Variants in PDE6H observed in about 807,000 individuals in gnomAD.
PDE6H encodes retinal cone rhodopsin-sensitive cGMP 3',5'-cyclic phosphodiesterase subunit gamma.
A neutral mutation model predicts 9.2 loss-of-function variants in PDE6H; 11 were observed. The ratio of observed to expected loss-of-function variants is 1.19; its 90% CI spans 0.75 to 1.97. The LOEUF (loss-of-function observed/expected upper bound fraction) is 1.97, where lower values mean the gene tolerates loss of function less well. Ranked by LOEUF, PDE6H falls within the 30% of genes most tolerant of loss-of-function variation. PDE6H has a pLI of 0.00. For missense variants in PDE6H, 98 were observed against 101.5 expected (o/e 0.97, Z 0.15); for synonymous variants, 36 against 33.6 (o/e 1.07, Z -0.25).
intron 3 of PDE6H, 58 bp from the exon 4 acceptor site, chr12:14,981,342 G>A: frequency 9.6e-7 from 1 of 1,046,670 alleles, no homozygotes; most frequent in South Asian, 1.3e-5. Context: ...GTGTCTTTCT[G>A]TGAAGAAGCT....
Position 14,978,027 on chromosome 12 carries a change from T to C in PDE6H, c.15T>C (p.Thr5=), listed in dbSNP as rs758387390. MSDN[T]TLPAPASNQG... is the part of the protein sequence containing the mutation. ...GGGGAGTTAAAATGAGTGACAACAC[T>C]ACTCTGCCTGCTCCAGCTTCAAACC... The change falls in exon 2 of 4, where the codon ACT becomes ACC. Residue 5 remains threonine (T), a synonymous_variant. Transcript: ENST00000266395. 1.2e-6 allele frequency: 2 copies of C among 1,613,454 alleles called. No individual in the cohort carries two copies. Among genetic ancestry groups the C allele is most frequent in the Middle Eastern group, 1.8e-4 (1 of 5,636 alleles).
chr12:14,981,460 A>G lies in PDE6H; in HGVS notation c.236A>G (p.Gln79Arg), dbSNP rs758550143. The G allele has an allele frequency of 3.7e-6, 6 of 1,612,990 alleles. No homozygotes were observed. The South Asian group carries it at 6.6e-5, about 18-fold the overall frequency. ...CACCTGGAATTGCATGAGCTCGCTC[A>G]GTTTGGGATTATCTGAAGTGCCAGA... ...FSHLELHELA[Q>R]FGII The change falls in exon 4 of 4, where the codon CAG (glutamine) becomes CGG (arginine). Residue 79 changes from glutamine to arginine, a missense_variant. Physicochemically the swap from Gln to Arg is conservative, Grantham distance 43. Coordinates refer to ENST00000266395, the MANE Select transcript of PDE6H (RefSeq NM_006205.3).
chr12:14,980,473 T>G (rs1225803325), intron 3 of PDE6H, among the ~76,000 whole-genome samples: 3 of 152,212 alleles, frequency 2.0e-5, no homozygotes, highest in African/African-American at 7.2e-5. Flanking sequence ...TTTCAACTCA[T>G]CCAACACACC....
At chr12:14,978,258 A>C (rs1388548449) in intron 2 of PDE6H, 112 bp downstream of exon 2, 2 of 898,232 alleles carry the variant, frequency 2.2e-6, no homozygotes, top group East Asian at 5.3e-5. Context: ...AAAAATTTCC[A>C]CTCCATCCTC....
chr12:14,978,042 A>G lies in PDE6H; in HGVS notation c.30A>G (p.Pro10=). The part of the protein sequence containing the change: MSDNTTLPA[P]ASNQGPTTPR... ...GTGACAACACTACTCTGCCTGCTCCAGCTTCAAACCAGGGTCCTACCACCC... is the reference window on the plus strand; with the variant it reads ...GTGACAACACTACTCTGCCTGCTCCGGCTTCAAACCAGGGTCCTACCACCC... Residue 10 remains proline, a synonymous_variant, in exon 2 of 4, where the codon CCA becomes CCG. Transcript: ENST00000266395. 1 of 1,613,638 alleles carries G rather than the reference A, an allele frequency of 6.2e-7. No homozygotes were observed. Among genetic ancestry groups the G allele is most frequent in the South Asian group, 1.1e-5 (1 of 91,064 alleles).
intron 3 of PDE6H, among the ~76,000 whole-genome samples, 153 bp downstream of exon 3, chr12:14,979,372 G>A (rs1032979361): frequency 6.6e-6 from 1 of 152,150 alleles, no homozygotes; most frequent in East Asian, 1.9e-4. Flanking sequence ...ATTTACCCTC[G>A]AAATAAGTAC....
At chr12:14,977,899 G>T in intron 1 of PDE6H, 73 bp from the exon 2 acceptor site, 1 of 1,052,742 alleles carries the variant, frequency 9.5e-7, no homozygotes, top group Non-Finnish European at 1.4e-6. Context: ...TCTCCAGCCT[G>T]AAATAAAGAT....
intron 1 of PDE6H, among the ~76,000 whole-genome samples, chr12:14,974,697 A>C (rs562832480): frequency 6.1e-4 from 93 of 152,380 alleles, no homozygotes; most frequent in African/African-American, 2.2e-3. Context: ...CTTAAGACAG[A>C]ATTTTAAGAC....
intron 2 of PDE6H, 75 bp downstream of exon 2, chr12:14,978,221 G>T (rs778891864): frequency 2.9e-6 from 4 of 1,387,282 alleles, no homozygotes; most frequent in African/African-American, 1.4e-5. Context: ...TTGGGAAATT[G>T]GTGCTCACAA....
chr12:14,977,965 G>C lies in PDE6H; in HGVS notation c.-41-7G>C, dbSNP rs747154877. The C allele has an allele frequency of 6.3e-6, 10 of 1,593,060 alleles. No homozygotes were observed. The highest frequency in any genetic ancestry group is 8.6e-6 in the Non-Finnish European group (10 of 1,162,266). On this transcript the variant is annotated splice_region_variant and splice_polypyrimidine_tract_variant and intron_variant, in intron 1 of 3. Transcript: ENST00000266395. Reference sequence around the variant, plus strand: ...GATCTTCTTTTTTTTATCTTTCACTGTCTAAGGAGGCTGAAAGGGAAACAT... The same window carrying C: ...GATCTTCTTTTTTTTATCTTTCACTCTCTAAGGAGGCTGAAAGGGAAACAT...
chr12:14,975,861 C>T (rs1440799369), intron 1 of PDE6H, among the ~76,000 whole-genome samples: 4 of 149,484 alleles, frequency 2.7e-5, no homozygotes, highest in African/African-American at 9.9e-5. Flanking sequence ...TGCCCTGTCG[C>T]CCAGGCTGGA....
rs1233578858 is a variant in PDE6H, at chr12:14,981,439, T to C, written c.215T>C (p.Leu72Pro). 6.2e-7 allele frequency: 1 copy of C among 1,613,474 alleles called. No homozygotes were observed. The highest frequency in any genetic ancestry group is 8.5e-7 in the Non-Finnish European group (1 of 1,179,326). The change falls in exon 4 of 4, where the codon CTG becomes CCG. Residue 72 changes from leucine (L) to proline (P), a missense_variant. Physicochemically the swap from Leu to Pro is moderately conservative, Grantham distance 98. Transcript: ENST00000266395. ...VICPWEAFSH[L>P]ELHELAQFGI... ...TGTCCATGGGAGGCATTCAGCCACC[T>C]GGAATTGCATGAGCTCGCTCAGTTT...
At position 14,978,319 on chromosome 12, in the gene PDE6H, A is replaced by G. The variant is rs181369690; in HGVS notation, c.134+173A>G. Among the ~76,000 whole-genome samples the G allele has an allele frequency of 1.6e-4, 25 of 152,186 alleles. No homozygotes were observed. In the East Asian group the frequency reaches 4.4e-3, roughly 27 times the overall value. On this transcript the variant is annotated intron_variant, in intron 2 of 3. Transcript: ENST00000266395. ...GATGAATTGTGTCTTTATCCCTGGAATTCTTTCCTTCTCAACTTCCAGGTC... is the reference window on the plus strand; with the variant it reads ...GATGAATTGTGTCTTTATCCCTGGAGTTCTTTCCTTCTCAACTTCCAGGTC...
chr12:14,974,120 G>C (rs1471968780), intron 1 of PDE6H, among the ~76,000 whole-genome samples: 4 of 152,176 alleles, frequency 2.6e-5, no homozygotes, highest in Non-Finnish European at 5.9e-5. Flanking sequence ...AAATGTTCTG[G>C]CTCACAAAAG....
intron 1 of PDE6H, among the ~76,000 whole-genome samples, chr12:14,973,475 A>T (rs1021329955): frequency 6.6e-6 from 1 of 152,158 alleles, no homozygotes; most frequent in Non-Finnish European, 1.5e-5. Context: ...AACTTGGCCC[A>T]GGATGGTGTG....
chr12:14,978,305 T>C (rs1864628691), intron 2 of PDE6H, among the ~76,000 whole-genome samples, 159 bp downstream of exon 2: 1 of 152,224 alleles, frequency 6.6e-6, no homozygotes, highest in Non-Finnish European at 1.5e-5. Context: ...ATGAATTGTG[T>C]CTTTATCCCT....
intron 3 of PDE6H, 100 bp downstream of exon 3, chr12:14,979,319 C>G: frequency 1.3e-6 from 1 of 780,186 alleles, no homozygotes; most frequent in Non-Finnish European, 2.3e-6. Flanking sequence ...TGAGAAATAC[C>G]CAAGGCAGAA....
intron 1 of PDE6H, among the ~76,000 whole-genome samples, chr12:14,975,920 A>G (rs1467058362): frequency 6.8e-6 from 1 of 147,880 alleles, no homozygotes; most frequent in Non-Finnish European, 1.5e-5. Context: ...TCCTGGGTTC[A>G]CACCATTCTC....
intron 3 of PDE6H, among the ~76,000 whole-genome samples, chr12:14,979,420 G>C (rs111884336): frequency 0.015 from 2,228 of 152,144 alleles, 56 homozygotes; most frequent in African/African-American, 0.051. Context: ...AAGAAATCAG[G>C]GTAGGCCCAA....
Sources: allele counts gnomAD v4.1 joint callset (sites outside exome capture counted in the v4.1 genomes callset), GRCh38; gene constraint gnomAD v4.1.1; transcripts MANE v1.5; gene names NCBI Gene and HGNC (gene_info 2026-07-23, HGNC 2026-07-21).